Variants in NELL1 observed in about 807,000 individuals in gnomAD.
NELL1 encodes protein kinase C-binding protein NELL1.
In NELL1, 76 loss-of-function variants were observed where a neutral mutation model predicts 107.4. That is an observed-to-expected ratio of 0.71 (90% CI 0.59 to 0.86). NELL1 has a LOEUF of 0.86. NELL1 is among the 40% of genes least tolerant of loss of function. The probability of loss-of-function intolerance (pLI) is 0.00; values close to 1 mark genes in which losing one functional copy is unlikely to be tolerated. For synonymous variants in NELL1, 353 were observed against 341.2 expected (o/e 1.03, Z -0.38); for missense variants, 1,024 against 1,005.5 (o/e 1.02, Z -0.25).
intron 13 of NELL1, among the ~76,000 whole-genome samples, chr11:21,137,374 G>A (rs1855766707): frequency 1.3e-5 from 2 of 152,198 alleles, no homozygotes; most frequent in African/African-American, 2.4e-5. Flanking sequence ...GGTGGTTGGC[G>A]GTACTGCTAG....
rs76240384 is a variant in NELL1, at chr11:21,296,723, A to G, written c.1549+67269A>G. 9.7e-4 allele frequency among the ~76,000 whole-genome samples: 147 copies of G among 152,098 alleles called. 3 individuals carry two copies. In the East Asian group the frequency reaches 0.026, roughly 27 times the overall value. On this transcript the variant is annotated intron_variant, in intron 14 of 19. Transcript: ENST00000357134. ...GCTTTATCTCAAACAACTTAGACAG[A>G]TGGAATGGTGATGAATTTGGAAAAT... is the stretch of plus-strand genomic sequence containing the variant.
chr11:21,571,883 TAAC>T (rs1381455526), intron 18 of NELL1, among the ~76,000 whole-genome samples: 1 of 151,910 alleles, frequency 6.6e-6, no homozygotes, highest in Non-Finnish European at 1.5e-5. Flanking sequence ...GTCCGTAATT[TAAC>T]ATTTGCTGAC....
intron 2 of NELL1, among the ~76,000 whole-genome samples, chr11:20,728,329 T>G (rs1413742125): frequency 6.6e-6 from 1 of 152,174 alleles, no homozygotes; most frequent in Non-Finnish European, 1.5e-5. Context: ...TACTTGTCAA[T>G]TTTTGTTTTT....
intron 15 of NELL1, among the ~76,000 whole-genome samples, chr11:21,468,508 A>G (rs1238067708): frequency 6.6e-6 from 1 of 151,878 alleles, no homozygotes. Context: ...AATTATCTGT[A>G]CCTCTATTGT....
At chr11:21,129,363 A>C (rs1163194968) in intron 13 of NELL1, among the ~76,000 whole-genome samples, 1 of 152,188 alleles carries the variant, frequency 6.6e-6, no homozygotes, top group African/African-American at 2.4e-5. Context: ...TAAAAATAGA[A>C]AAAAATAGAA....
chr11:21,045,601 T>A (rs1853335706), intron 12 of NELL1, among the ~76,000 whole-genome samples: 1 of 152,204 alleles, frequency 6.6e-6, no homozygotes. Context: ...AGATACCTGT[T>A]TAATGTACTT....
intron 12 of NELL1, among the ~76,000 whole-genome samples, chr11:20,975,907 T>C (rs1380062134): frequency 2.1e-5 from 2 of 96,582 alleles, no homozygotes; most frequent in African/African-American, 8.7e-5. Context: ...CATATATGTG[T>C]ATTATATAAA....
chr11:21,056,740 C>T (rs1853624557), intron 12 of NELL1, among the ~76,000 whole-genome samples: 1 of 152,064 alleles, frequency 6.6e-6, no homozygotes, highest in South Asian at 2.1e-4. Context: ...CATAAATGCA[C>T]ATCAAATGAA....
chr11:21,358,390 G>T (rs1351320140), intron 14 of NELL1, among the ~76,000 whole-genome samples: 2 of 150,952 alleles, frequency 1.3e-5, no homozygotes, highest in African/African-American at 2.4e-5. Context: ...TATTTGTAAG[G>T]TTTTTTTTGT....
chr11:20,782,763 C>A (rs1214116450), intron 2 of NELL1, among the ~76,000 whole-genome samples: 2 of 152,150 alleles, frequency 1.3e-5, no homozygotes, highest in African/African-American at 2.4e-5. Flanking sequence ...CATTTATCAT[C>A]CTCTGAATAA....
intron 2 of NELL1, among the ~76,000 whole-genome samples, chr11:20,759,947 G>A (rs903129459): frequency 7.2e-5 from 11 of 152,218 alleles, no homozygotes; most frequent in African/African-American, 2.7e-4. Flanking sequence ...CCTGTCTCCT[G>A]TGTGTTCTTA....
chr11:21,037,090 G>C (rs958619128), intron 12 of NELL1, among the ~76,000 whole-genome samples: 1 of 151,918 alleles, frequency 6.6e-6, no homozygotes, highest in African/African-American at 2.4e-5. Context: ...GCAAGTACCA[G>C]TACTGTTTAA....
chr11:20,729,713 G>T (rs964612057), intron 2 of NELL1, among the ~76,000 whole-genome samples: 1 of 152,070 alleles, frequency 6.6e-6, no homozygotes, highest in Admixed American at 6.6e-5. Flanking sequence ...CATGGTTAAA[G>T]ACCTCCCTTA....
At chr11:20,724,825 A>G (rs1392290433) in intron 2 of NELL1, among the ~76,000 whole-genome samples, 1 of 152,184 alleles carries the variant, frequency 6.6e-6, no homozygotes, top group Admixed American at 6.5e-5. Context: ...TATATGTATT[A>G]GTCCATTCTT....
At chr11:21,002,361 C>T (rs1852242054) in intron 12 of NELL1, among the ~76,000 whole-genome samples, 1 of 108,374 alleles carries the variant, frequency 9.2e-6, no homozygotes, top group African/African-American at 5.5e-5. Flanking sequence ...ACTATTCCGT[C>T]TTTGGTAAAT....
At position 20,805,657 on chromosome 11, in the gene NELL1, C is replaced by T. The variant is rs1233161823; in HGVS notation, c.335+21827C>T. Among the ~76,000 whole-genome samples the T allele has an allele frequency of 3.3e-5, 5 of 152,186 alleles. No individual in the cohort carries two copies. The South Asian group carries it at 1.0e-3, about 31-fold the overall frequency. On this transcript the variant is annotated intron_variant, in intron 3 of 19. Coordinates refer to ENST00000357134, the MANE Select transcript of NELL1 (RefSeq NM_006157.5). ...AGCTGGGACTACAGGTGCCCACCAC[C>T]ATGCCCAGCTAATTTTTTGTATTTT... is the stretch of plus-strand genomic sequence containing the variant.
chr11:21,099,437 G>T (rs1854748573), intron 12 of NELL1, among the ~76,000 whole-genome samples: 1 of 152,108 alleles, frequency 6.6e-6, no homozygotes, highest in Non-Finnish European at 1.5e-5. Context: ...AAGGGGCATT[G>T]GCTGGCTCGG....
intron 15 of NELL1, among the ~76,000 whole-genome samples, chr11:21,434,461 T>C (rs1217511013): frequency 6.6e-6 from 1 of 152,202 alleles, no homozygotes; most frequent in East Asian, 1.9e-4. Context: ...CTTTACCCAA[T>C]ATATATTCTT....
intron 1 of NELL1, among the ~76,000 whole-genome samples, chr11:20,677,583 C>T (rs1326195111): frequency 6.6e-6 from 1 of 152,156 alleles, no homozygotes; most frequent in Non-Finnish European, 1.5e-5. Flanking sequence ...TTATGGGGTT[C>T]TGAGTTAGAC....
Sources: gnomAD v4.1 joint callset for allele counts (sites outside exome capture counted in the v4.1 genomes callset) on GRCh38, gnomAD v4.1.1 for gene constraint, MANE v1.5 for transcripts, NCBI Gene and HGNC (gene_info 2026-07-23, HGNC 2026-07-21) for gene names.